The following WIPF2 variants were observed in gnomAD, a reference collection of about 807,000 sequenced individuals.
WIPF2 encodes the protein WAS/WASL-interacting protein family member 2.
A neutral mutation model predicts 38.8 loss-of-function variants in WIPF2; 23 were observed. The observed-to-expected ratio is 0.59, with a 90% CI of 0.43 to 0.84. The LOEUF is 0.84. Among genes scored for constraint, WIPF2 ranks in the 40% least tolerant of loss-of-function variants. The pLI is 0.00. For synonymous variants in WIPF2, 210 were observed against 223.2 expected (o/e 0.94, Z 0.53); for missense variants, 574 against 580.5 (o/e 0.99, Z 0.11).
chr17:40,262,077 C>CT (rs34246534), intron 3 of WIPF2, among the ~76,000 whole-genome samples: 37 of 122,602 alleles, frequency 3.0e-4, no homozygotes, highest in East Asian at 4.5e-4. Context: ...TTTCTTTTCT[C>CT]TTTTTTTTTT....
rs536283299 is a variant in WIPF2, at chr17:40,254,780, A to G, written c.-69-1611A>G. The stretch of plus-strand genomic sequence containing the variant: ...AGAGTTTCGCTCTGTTGCCCAGGCT[A>G]GAGGGCAGTAGCACTTTCTTGGCTC... On this transcript the variant is annotated intron_variant, in intron 1 of 7. Transcript: ENST00000323571. Among the ~76,000 whole-genome samples, 22 of 151,380 alleles carry G rather than the reference A, an allele frequency of 1.5e-4. 1 individual carries two copies. In the South Asian group the frequency reaches 4.6e-3, roughly 31 times the overall value.
At chr17:40,220,633 T>TGTATATA (rs1567705956) in intron 1 of WIPF2, 1 of 129,244 alleles carries the variant, frequency 7.7e-6, no homozygotes, top group Non-Finnish European at 1.6e-5. Flanking sequence ...ATATATATAT[T>TGTATATA]TTTTTGTTGT....
rs186861276 is a variant in WIPF2, at chr17:40,250,251, A to T, written c.-69-6140A>T. On this transcript the variant is annotated intron_variant, in intron 1 of 7. Coordinates refer to ENST00000323571, the MANE Select transcript of WIPF2 (RefSeq NM_133264.5). ...TTTTTTTTTTTTTTTTTTTTTTGAG[A>T]CAAAGTCTCGCTCTGTCAACCCAAG... is the stretch of plus-strand genomic sequence containing the variant. 2.2e-3 allele frequency among the ~76,000 whole-genome samples: 130 copies of T among 58,142 alleles called. 24 individuals carry two copies. In the East Asian group the frequency reaches 0.075, roughly 34 times the overall value. The allele number at this position is 58,142 out of a possible 152,430, so 38.1% of individuals were successfully genotyped here.
chr17:40,253,179 C>T (rs2031613566), intron 1 of WIPF2, among the ~76,000 whole-genome samples: 1 of 151,722 alleles, frequency 6.6e-6, no homozygotes, highest in African/African-American at 2.4e-5. Context: ...TCTCCTGCCT[C>T]AGGCTCCCAA....
At chr17:40,251,218 A>G (rs952123106) in intron 1 of WIPF2, among the ~76,000 whole-genome samples, 12 of 152,188 alleles carry the variant, frequency 7.9e-5, no homozygotes, top group Middle Eastern at 3.4e-3. Flanking sequence ...CCAGCCTATT[A>G]GATTCTTAGT....
chr17:40,278,507 G>T lies in WIPF2; in HGVS notation c.*282G>T, dbSNP rs1323597470. 2 of 447,912 alleles carry T rather than the reference G, an allele frequency of 4.5e-6. No homozygotes were observed. The highest frequency in any genetic ancestry group is 2.0e-5 in the African/African-American group (1 of 50,758). 27.7% of individuals were successfully genotyped at this position (447,912 alleles called of 1,614,324 possible). A position where few individuals can be genotyped will look rare whatever the true frequency, so the allele number is the denominator to read the frequency against. ...TGAGGAACAAGTTTCCGTGTCTTCT[G>T]CCTTCCTCTTGGGGAAAGGTGCCTT... On this transcript the variant is annotated 3_prime_UTR_variant, in exon 8 of 8. Transcript: ENST00000323571.
chr17:40,256,454 G>A lies in WIPF2; in HGVS notation c.-6G>A, dbSNP rs201734850. The A allele has an allele frequency of 9.3e-6, 15 of 1,608,470 alleles. No individual in the cohort carries two copies. Among genetic ancestry groups the A allele is most frequent in the Non-Finnish European group, 1.1e-5 (13 of 1,177,998 alleles). ...GAGAACAGTGCCAACTGGGAGCAGGGCAAGAATGCCAATTCCTCCTCCCCC... is the reference window on the plus strand; with the variant it reads ...GAGAACAGTGCCAACTGGGAGCAGGACAAGAATGCCAATTCCTCCTCCCCC... On this transcript the variant is annotated 5_prime_UTR_variant, in exon 2 of 8. Coordinates refer to ENST00000323571, the MANE Select transcript of WIPF2 (RefSeq NM_133264.5).
intron 1 of WIPF2, chr17:40,220,633 T>TATA (rs1567705956): frequency 7.7e-6 from 1 of 129,244 alleles, no homozygotes; most frequent in Non-Finnish European, 1.6e-5. Flanking sequence ...ATATATATAT[T>TATA]TTTTTGTTGT....
intron 2 of WIPF2, among the ~76,000 whole-genome samples, chr17:40,257,013 C>CT (rs1407025587): frequency 2.0e-5 from 3 of 152,040 alleles, no homozygotes; most frequent in Non-Finnish European, 4.4e-5. Context: ...GAATCTCACT[C>CT]TGTCGCCCAG....
At chr17:40,228,310 C>T (rs977857314) in intron 1 of WIPF2, among the ~76,000 whole-genome samples, 36 of 152,002 alleles carry the variant, frequency 2.4e-4, no homozygotes, top group African/African-American at 7.0e-4. Flanking sequence ...CCACCGCGCC[C>T]GGCCATTTTT....
intron 1 of WIPF2, among the ~76,000 whole-genome samples, chr17:40,248,435 C>T (rs1029351067): frequency 6.6e-6 from 1 of 152,062 alleles, no homozygotes; most frequent in African/African-American, 2.4e-5. Context: ...TCCCAAAGTG[C>T]TGGGATTATA....
At chr17:40,232,179 A>ATTTTTTTTTTTTTTTTTTTTTTTTTTT (rs752876006) in intron 1 of WIPF2, among the ~76,000 whole-genome samples, 3 of 76,052 alleles carry the variant, frequency 3.9e-5, no homozygotes, top group Non-Finnish European at 7.1e-5. Context: ...TGCCTGGCTA[A>ATTTTTTTTTTTTTTTTTTTTTTTTTTT]TTTTTTTTTT....
intron 1 of WIPF2, among the ~76,000 whole-genome samples, chr17:40,238,217 G>T (rs1270665923): frequency 6.6e-6 from 1 of 152,072 alleles, no homozygotes; most frequent in Non-Finnish European, 1.5e-5. Context: ...CAGGAATTCT[G>T]TTTTGTTACT....
At chr17:40,236,413 A>C (rs963065818) in intron 1 of WIPF2, among the ~76,000 whole-genome samples, 1 of 151,618 alleles carries the variant, frequency 6.6e-6, no homozygotes, top group African/African-American at 2.4e-5. Context: ...ATCTTGGCTC[A>C]CTGCAACCTC....
intron 1 of WIPF2, among the ~76,000 whole-genome samples, chr17:40,247,746 T>G (rs1240815507): frequency 6.6e-6 from 1 of 152,080 alleles, no homozygotes; most frequent in East Asian, 1.9e-4. Flanking sequence ...GGTCTCAAAC[T>G]CCTGACCTCA....
intron 1 of WIPF2, among the ~76,000 whole-genome samples, chr17:40,232,901 G>A (rs1034859976): frequency 1.3e-5 from 2 of 152,170 alleles, no homozygotes; most frequent in South Asian, 4.1e-4. Flanking sequence ...GCCTCCCAAA[G>A]TGCTGGTATT....
intron 1 of WIPF2, chr17:40,220,290 T>TA (rs1482861138): frequency 1.3e-5 from 2 of 151,904 alleles, no homozygotes; most frequent in Admixed American, 1.3e-4. Context: ...ATGGAAATGT[T>TA]AAAGTGTTCA....
At chr17:40,222,328 A>G (rs2030271183) in intron 1 of WIPF2, among the ~76,000 whole-genome samples, 1 of 151,464 alleles carries the variant, frequency 6.6e-6, no homozygotes, top group Admixed American at 6.6e-5. Context: ...CTGGGATTAC[A>G]GGTGTGAGCC....
chr17:40,260,717 C>G, intron 3 of WIPF2, 50 bp downstream of exon 3: 1 of 1,612,628 alleles, frequency 6.2e-7, no homozygotes, highest in Non-Finnish European at 8.5e-7. Flanking sequence ...CCAGGAGTGA[C>G]TTGGAGACTT....
Sources: allele counts gnomAD v4.1 joint callset (sites outside exome capture counted in the v4.1 genomes callset), GRCh38; gene constraint gnomAD v4.1.1; transcripts MANE v1.5; gene names NCBI Gene and HGNC (gene_info 2026-07-23, HGNC 2026-07-21).